The following GRIN2A variants were observed in gnomAD, a reference collection of about 807,000 sequenced individuals.
GRIN2A encodes the protein glutamate receptor ionotropic, NMDA 2A.
GRIN2A carries 22 observed loss-of-function variants against 113.4 expected under a neutral mutation model. The observed-to-expected ratio is 0.19, with a 90% CI of 0.14 to 0.28. The LOEUF is 0.28. GRIN2A is among the 10% of genes least tolerant of loss of function. The pLI is 1.00. For synonymous variants in GRIN2A, 827 were observed against 738.4 expected (o/e 1.12, Z -1.94); for missense variants, 1,502 against 1,887.0 (o/e 0.80, Z 3.78).
At position 9,840,988 on chromosome 16, in the gene GRIN2A, T is replaced by C. The variant is rs775686618; in HGVS notation, c.1445A>G (p.Asn482Ser). ...GTTAACTTTCTTGCCATGCTTCCCA[T>C]TGGTCACCAGATAGAGGTCGTAAGT... ...KFTYDLYLVT[N>S]GKHGKKVNNV... The change falls in exon 6 of 13, where the codon AAT becomes AGT. Residue 482 changes from asparagine (N) to serine (S), a missense_variant. By Grantham distance (46) the Asn-to-Ser change is conservative. Coordinates refer to ENST00000330684, the MANE Select transcript of GRIN2A (RefSeq NM_001134407.3). The C allele has an allele frequency of 3.1e-6, 5 of 1,613,784 alleles. No homozygotes were observed. Among genetic ancestry groups the C allele is most frequent in the Admixed American group, 3.3e-5 (2 of 59,992 alleles).
intron 2 of GRIN2A, among the ~76,000 whole-genome samples, chr16:10,051,383 A>G (rs932329667): frequency 1.3e-5 from 2 of 152,250 alleles, no homozygotes; most frequent in Non-Finnish European, 2.9e-5. Flanking sequence ...AGTGAGTAGT[A>G]ATAAAACATT....
In GRIN2A at chr16:10,074,314, C is replaced by T. The variant is rs188008095; in HGVS notation, c.414+105684G>A. 1.3e-4 allele frequency among the ~76,000 whole-genome samples: 20 copies of T among 152,256 alleles called. No homozygotes were observed. The East Asian group carries it at 1.5e-3, about 12-fold the overall frequency. On this transcript the variant is annotated intron_variant, in intron 2 of 12. Transcript: ENST00000330684. ...GGTACAGCTGCTATGGAAAACAGTA[C>T]GACAGTTCTTCAAAAAGCTACACAT...
intron 2 of GRIN2A, among the ~76,000 whole-genome samples, chr16:10,161,311 C>G (rs2049804748): frequency 6.6e-6 from 1 of 152,140 alleles, no homozygotes; most frequent in South Asian, 2.1e-4. Flanking sequence ...CGGAGGCCTC[C>G]CAGCCACACT....
At chr16:9,858,842 G>A (rs2043012718) in intron 4 of GRIN2A, among the ~76,000 whole-genome samples, 1 of 152,136 alleles carries the variant, frequency 6.6e-6, no homozygotes, top group South Asian at 2.1e-4. Context: ...ATGTTGCCAA[G>A]GCTGCAAAAG....
At chr16:10,170,102 T>C (rs2050010228) in intron 2 of GRIN2A, among the ~76,000 whole-genome samples, 1 of 152,138 alleles carries the variant, frequency 6.6e-6, no homozygotes, top group South Asian at 2.1e-4. Flanking sequence ...AATTTGAAAA[T>C]GCATGCTGTC....
intron 2 of GRIN2A, among the ~76,000 whole-genome samples, chr16:10,114,817 T>A (rs1319269247): frequency 1.3e-5 from 2 of 152,256 alleles, no homozygotes; most frequent in African/African-American, 4.8e-5. Flanking sequence ...TATGCTTCAT[T>A]TAATGGGGCA....
At chr16:9,899,057 C>T (rs1426357073) in intron 3 of GRIN2A, among the ~76,000 whole-genome samples, 1 of 152,076 alleles carries the variant, frequency 6.6e-6, no homozygotes, top group Non-Finnish European at 1.5e-5. Context: ...TGCCCTGGTG[C>T]TCAATTTCAT....
intron 11 of GRIN2A, among the ~76,000 whole-genome samples, chr16:9,783,919 T>C (rs1902068502): frequency 6.6e-6 from 1 of 152,008 alleles, no homozygotes; most frequent in South Asian, 2.1e-4. Context: ...AGCTAAAGGA[T>C]GAGAACACAT....
intron 10 of GRIN2A, 53 bp from the exon 11 acceptor site, chr16:9,798,517 G>C (rs1291549365): frequency 9.1e-6 from 13 of 1,432,716 alleles, no homozygotes; most frequent in Non-Finnish European, 1.1e-5. Context: ...ACCACCTCGG[G>C]GTCCAGCTCC....
intron 4 of GRIN2A, among the ~76,000 whole-genome samples, chr16:9,873,348 A>C (rs572424063): frequency 1.1e-4 from 17 of 152,328 alleles, no homozygotes; most frequent in African/African-American, 3.8e-4. Flanking sequence ...ACATTTAAAC[A>C]AACAAAAAAA....
chr16:10,023,156 C>A (rs1596431753), intron 2 of GRIN2A, among the ~76,000 whole-genome samples: 1 of 152,194 alleles, frequency 6.6e-6, no homozygotes, highest in South Asian at 2.1e-4. Flanking sequence ...TGAGTCCACT[C>A]AGGCTGATCT....
At chr16:10,155,107 AC>A (rs1293161667) in intron 2 of GRIN2A, among the ~76,000 whole-genome samples, 2 of 152,184 alleles carry the variant, frequency 1.3e-5, no homozygotes, top group African/African-American at 4.8e-5. Context: ...TTTGGCTTAA[AC>A]TTTTTTCTGT....
chr16:10,042,477 C>T (rs567940626), intron 2 of GRIN2A, among the ~76,000 whole-genome samples: 1 of 152,192 alleles, frequency 6.6e-6, no homozygotes, highest in Non-Finnish European at 1.5e-5. Context: ...AGCCTCAGTC[C>T]AGCCTTTAGA....
rs2050255442 is a variant in GRIN2A, at chr16:10,180,877, G to A, written c.-18-448C>T. ...GACCAAGTTATCAACCCCGCCCCCT[G>A]CTGGCGCGGAGCGAACTACAGACCC... is the stretch of plus-strand genomic sequence containing the variant. On this transcript the variant is annotated intron_variant, in intron 1 of 12. Coordinates refer to ENST00000330684, the MANE Select transcript of GRIN2A (RefSeq NM_001134407.3). The surrounding 1 kb of genome is among the most constrained non-coding windows in gnomAD (Gnocchi z 7.0). 2 of 205,688 alleles carry A rather than the reference G, an allele frequency of 9.7e-6. No individual in the cohort carries two copies. The highest frequency in any genetic ancestry group is 1.1e-4 in the Admixed American group (2 of 18,854). The allele number at this position is 205,688 out of a possible 1,614,324, so 12.7% of individuals were successfully genotyped here. A position where few individuals can be genotyped will look rare whatever the true frequency, so the allele number is the denominator to read the frequency against.
chr16:10,039,813 A>AG (rs1555469303), intron 2 of GRIN2A, among the ~76,000 whole-genome samples: 6 of 73,574 alleles, frequency 8.2e-5, no homozygotes, highest in Admixed American at 1.3e-4. Flanking sequence ...GGGGGGGAGA[A>AG]AGAGAGAGAG....
intron 2 of GRIN2A, among the ~76,000 whole-genome samples, chr16:9,975,580 G>T (rs1298134666): frequency 1.3e-5 from 2 of 152,172 alleles, no homozygotes; most frequent in African/African-American, 4.8e-5. Context: ...ATTCGTCACA[G>T]CAGCAACAGA....
chr16:9,932,962 G>C (rs757622815), intron 3 of GRIN2A, among the ~76,000 whole-genome samples: 26 of 152,146 alleles, frequency 1.7e-4, no homozygotes, highest in Non-Finnish European at 3.7e-4. Context: ...ACAGATTCTT[G>C]TGATGGAACC....
intron 3 of GRIN2A, among the ~76,000 whole-genome samples, chr16:9,904,932 A>T (rs1175471389): frequency 1.3e-5 from 2 of 152,230 alleles, no homozygotes; most frequent in Non-Finnish European, 2.9e-5. Flanking sequence ...CAACCATCCC[A>T]GTTGTCCCAG....
chr16:10,147,028 G>C (rs1286521738), intron 2 of GRIN2A, among the ~76,000 whole-genome samples: 2 of 151,996 alleles, frequency 1.3e-5, no homozygotes, highest in Admixed American at 6.6e-5. Context: ...TTTTCCCTCA[G>C]GCCACCCAGG....
Sources: gnomAD v4.1 joint callset for allele counts (sites outside exome capture counted in the v4.1 genomes callset) on GRCh38, gnomAD v4.1.1 for gene constraint, Gnocchi (gnomAD v3.1) non-coding constraint, MANE v1.5 for transcripts, NCBI Gene and HGNC (gene_info 2026-07-23, HGNC 2026-07-21) for gene names.